Variants in PDE7A observed in about 807,000 individuals in gnomAD.
PDE7A encodes the protein phosphodiesterase 7A.
Under a neutral mutation model 64.3 loss-of-function variants are expected in PDE7A, and 39 were observed. The observed-to-expected ratio is 0.61, with a 90% CI of 0.47 to 0.79. The LOEUF (loss-of-function observed/expected upper bound fraction) is 0.79, where lower values mean the gene tolerates loss of function less well. Among genes scored for constraint, PDE7A ranks in the 30% least tolerant of loss-of-function variants. The pLI is 0.00. For synonymous variants in PDE7A, 203 were observed against 206.8 expected (o/e 0.98, Z 0.16); for missense variants, 470 against 582.8 (o/e 0.81, Z 1.99).
intron 1 of PDE7A, among the ~76,000 whole-genome samples, chr8:65,809,362 G>A (rs1810186609): frequency 6.6e-6 from 1 of 152,100 alleles, no homozygotes; most frequent in Middle Eastern, 3.2e-3. Context: ...AATTTGCTCA[G>A]TGCTTTGAAG....
At chr8:65,829,097 A>T (rs987706056) in intron 1 of PDE7A, among the ~76,000 whole-genome samples, 8 of 152,086 alleles carry the variant, frequency 5.3e-5, no homozygotes, top group African/African-American at 7.2e-5. Flanking sequence ...GTAAAATTTT[A>T]AAAAAATTTA....
At chr8:65,807,741 T>C (rs1236431673) in intron 1 of PDE7A, among the ~76,000 whole-genome samples, 1 of 152,190 alleles carries the variant, frequency 6.6e-6, no homozygotes, top group Admixed American at 6.5e-5. Flanking sequence ...CATAAAATGG[T>C]GTTAGATTCT....
chr8:65,797,122 A>C (rs911419057), intron 1 of PDE7A, among the ~76,000 whole-genome samples: 4 of 152,234 alleles, frequency 2.6e-5, no homozygotes, highest in Non-Finnish European at 5.9e-5. Flanking sequence ...AATCAATAGG[A>C]TATATGCATG....
intron 5 of PDE7A, among the ~76,000 whole-genome samples, chr8:65,740,612 G>A (rs891479901): frequency 6.6e-6 from 1 of 152,212 alleles, no homozygotes; most frequent in African/African-American, 2.4e-5. Flanking sequence ...TTGTTGGCCA[G>A]GCTGGTCTCG....
rs753147245 is a variant in PDE7A at position 65,739,496 on chromosome 8, A to G, written c.595+6T>C. On this transcript the variant is annotated splice_donor_region_variant and intron_variant, in intron 6 of 12. Transcript: ENST00000401827. ...TTGTTACTGTTAATGGGTTAGAATC[A>G]CTTACCTAAAAATCTACGAAGTTTC... is the stretch of plus-strand genomic sequence containing the variant. 9 of 1,550,118 alleles carry G rather than the reference A, an allele frequency of 5.8e-6. No homozygotes were observed. In the Admixed American group the frequency reaches 1.6e-4, roughly 27 times the overall value.
At chr8:65,820,315 G>A (rs576742620) in intron 1 of PDE7A, among the ~76,000 whole-genome samples, 2 of 152,188 alleles carry the variant, frequency 1.3e-5, no homozygotes, top group Non-Finnish European at 1.5e-5. Flanking sequence ...AGGACTGCTT[G>A]AGTCCAGGAT....
intron 1 of PDE7A, among the ~76,000 whole-genome samples, chr8:65,824,005 C>G (rs552215501): frequency 6.6e-6 from 1 of 152,130 alleles, no homozygotes; most frequent in African/African-American, 2.4e-5. Flanking sequence ...AAAACAAGAG[C>G]CAATAGAAAC....
rs772035003 is a variant in PDE7A, at chr8:65,745,448, T to C, written c.458A>G (p.Asn153Ser). Residue 153 changes from asparagine to serine, a missense_variant, in exon 5 of 13, where the codon AAT becomes AGT. Asn to Ser is a conservative substitution (Grantham distance 46). Transcript: ENST00000401827. Reference protein sequence around the residue: ...QAKCMLEKVGNWNFDIFLFDR... With the variant: ...QAKCMLEKVGSWNFDIFLFDR... Reference sequence around the variant, plus strand: ...AAATAGAAAGATATCAAAATTCCAATTTCCAACTTTTTCCAGCATACACTG... The same window carrying C: ...AAATAGAAAGATATCAAAATTCCAACTTCCAACTTTTTCCAGCATACACTG... The C allele has an allele frequency of 1.3e-5, 20 of 1,566,070 alleles. No homozygotes were observed. The highest frequency in any genetic ancestry group is 1.8e-5 in the Non-Finnish European group (20 of 1,136,436).
At chr8:65,829,225 G>A (rs756330949) in intron 1 of PDE7A, among the ~76,000 whole-genome samples, 9 of 152,096 alleles carry the variant, frequency 5.9e-5, no homozygotes, top group Non-Finnish European at 8.8e-5. Context: ...TCATTCATAA[G>A]TTAATTTTTA....
At chr8:65,741,917 T>G (rs1807452597) in intron 5 of PDE7A, among the ~76,000 whole-genome samples, 1 of 152,154 alleles carries the variant, frequency 6.6e-6, no homozygotes, top group African/African-American at 2.4e-5. Flanking sequence ...CAAAGTGCAG[T>G]GAAGAAACAC....
rs747997917 is a variant in PDE7A, at chr8:65,841,289, G to A, written c.138+82C>T. The stretch of plus-strand genomic sequence containing the variant: ...ACAATGGACAATGCGCGGGCTGGGG[G>A]TTGTAGAGGAGGTGAAGCTGGGTGG... On this transcript the variant is annotated intron_variant, in intron 1 of 12. Coordinates refer to ENST00000401827, the MANE Select transcript of PDE7A (RefSeq NM_001242318.3). 1.0e-5 allele frequency: 14 copies of A among 1,372,346 alleles called. No homozygotes were observed. The Admixed American group carries it at 1.7e-4, about 17-fold the overall frequency. 85.0% of individuals were successfully genotyped at this position (1,372,346 alleles called of 1,614,324 possible). A position where few individuals can be genotyped will look rare whatever the true frequency, so the allele number is the denominator to read the frequency against.
chr8:65,812,212 GAAAAA>G (rs76971303), intron 1 of PDE7A, among the ~76,000 whole-genome samples: 1 of 66,634 alleles, frequency 1.5e-5, no homozygotes, highest in Non-Finnish European at 3.4e-5. Context: ...TTCAAAAACA[GAAAAA>G]AAAAAAAAAA....
At chr8:65,797,777 G>A (rs1430655369) in intron 1 of PDE7A, among the ~76,000 whole-genome samples, 1 of 150,702 alleles carries the variant, frequency 6.6e-6, no homozygotes, top group Non-Finnish European at 1.5e-5. Flanking sequence ...ACATGACACT[G>A]GAAAAACTAT....
At chr8:65,765,946 TTTA>T (rs538177407) in intron 3 of PDE7A, among the ~76,000 whole-genome samples, 114 of 152,112 alleles carry the variant, frequency 7.5e-4, no homozygotes, top group Non-Finnish European at 1.3e-3. Context: ...GAGATGAAAT[TTTA>T]TTTATTTATT....
At position 65,714,817 on chromosome 8, in the gene PDE7A, C is replaced by T. The variant is rs1806070051; in HGVS notation, c.*4473G>A. 6.6e-6 allele frequency: 1 copy of T among 152,118 alleles called. No homozygotes were observed. Among genetic ancestry groups the T allele is most frequent in the African/African-American group, 2.4e-5 (1 of 41,428 alleles). The allele number at this position is 152,118 out of a possible 1,614,324, so 9.4% of individuals were successfully genotyped here. On this transcript the variant is annotated 3_prime_UTR_variant, in exon 13 of 13. Coordinates refer to ENST00000401827, the MANE Select transcript of PDE7A (RefSeq NM_001242318.3). ...GCATTTTGGAAAAAAAGATCATTTT[C>T]AGAATCTTCAAGGAATTACTAGCAC...
intron 5 of PDE7A, among the ~76,000 whole-genome samples, chr8:65,743,620 G>A (rs1807538816): frequency 6.6e-6 from 1 of 152,174 alleles, no homozygotes; most frequent in Admixed American, 6.6e-5. Context: ...AGAGAATAAT[G>A]GAGTGATACT....
chr8:65,814,494 G>C (rs1385259497), intron 1 of PDE7A, among the ~76,000 whole-genome samples: 5 of 101,964 alleles, frequency 4.9e-5, no homozygotes, highest in African/African-American at 7.9e-5. Flanking sequence ...CTGGGCGACA[G>C]AGCGAGACTC....
At chr8:65,758,950 GTC>G (rs1230023642) in intron 3 of PDE7A, among the ~76,000 whole-genome samples, 2 of 152,110 alleles carry the variant, frequency 1.3e-5, no homozygotes, top group Admixed American at 6.5e-5. Context: ...GGCAGCCTCT[GTC>G]TCTCTTGCGG....
At chr8:65,773,189 A>G (rs1434182855) in intron 3 of PDE7A, among the ~76,000 whole-genome samples, 1 of 152,202 alleles carries the variant, frequency 6.6e-6, no homozygotes, top group African/African-American at 2.4e-5. Context: ...CACAAAACAC[A>G]CTAGATTACA....
Sources: gnomAD v4.1 joint callset for allele counts (sites outside exome capture counted in the v4.1 genomes callset) on GRCh38, gnomAD v4.1.1 for gene constraint, MANE v1.5 for transcripts, NCBI Gene and HGNC (gene_info 2026-07-23, HGNC 2026-07-21) for gene names.